Variants in SYK observed in about 807,000 individuals in gnomAD.
SYK encodes the protein spleen associated tyrosine kinase, also known as tyrosine-protein kinase SYK.
A neutral mutation model predicts 77.8 loss-of-function variants in SYK; 16 were observed. The ratio of observed to expected loss-of-function variants is 0.21; its 90% CI spans 0.14 to 0.31. SYK has a LOEUF of 0.31. Ranked by LOEUF, SYK falls within the 10% of genes least tolerant of loss-of-function variation. SYK has a pLI of 1.00. For missense variants in SYK, 529 were observed against 814.4 expected, an observed-to-expected ratio of 0.65 and a Z score of 4.26; for synonymous variants, 312 against 308.7, an observed-to-expected ratio of 1.01 and a Z score of -0.11.
intron 1 of SYK, among the ~76,000 whole-genome samples, chr9:90,805,232 C>T (rs1464815696): frequency 6.6e-6 from 1 of 152,214 alleles, no homozygotes; most frequent in Non-Finnish European, 1.5e-5. Context: ...TACTGGATTA[C>T]TGAGGAGTAC....
chr9:90,873,879 T>C (rs1827827876), intron 7 of SYK, among the ~76,000 whole-genome samples: 1 of 152,088 alleles, frequency 6.6e-6, no homozygotes, highest in Admixed American at 6.5e-5. Flanking sequence ...CGATCTTTGG[T>C]AGGTGGGAAT....
At chr9:90,855,217 ATACGTGAATAAAAT>A (rs1256588186) in intron 3 of SYK, among the ~76,000 whole-genome samples, 19 of 152,204 alleles carry the variant, frequency 1.2e-4, no homozygotes, top group Admixed American at 1.2e-3. Flanking sequence ...GAAATGGGAT[ATACGTGAATAAAAT>A]TTTTATGATT....
At chr9:90,884,150 T>TGTGTATATATATATATATATACACAC (rs1554714310) in intron 11 of SYK, among the ~76,000 whole-genome samples, 1 of 71,428 alleles carries the variant, frequency 1.4e-5, no homozygotes, top group African/African-American at 6.1e-5. Context: ...TATATGTGTG[T>TGTGTATATATATATATATATACACAC]GTGTATATAT....
chr9:90,847,083 C>T (rs1313394602), intron 3 of SYK, among the ~76,000 whole-genome samples: 1 of 152,224 alleles, frequency 6.6e-6, no homozygotes, highest in African/African-American at 2.4e-5. Context: ...TTGCATCCTT[C>T]ATGGCCATGA....
rs546473754 is a variant in SYK at position 90,836,158 on chromosome 9, G to T, written c.-41-7700G>T. Among the ~76,000 whole-genome samples, 10 of 151,992 alleles carry T rather than the reference G, an allele frequency of 6.6e-5. No individual in the cohort carries two copies. In the South Asian group the frequency reaches 1.7e-3, roughly 25 times the overall value. On this transcript the variant is annotated intron_variant, in intron 1 of 13. Transcript: ENST00000375754. ...AAAAGTTAGCCAGGCGTGGTGGTGG[G>T]CACCTGTAATCCCAGCTACTTGGGA...
chr9:90,862,330 G>A lies in SYK; in HGVS notation c.703G>A (p.Asp235Asn), dbSNP rs1827302981. 4 of 1,613,802 alleles carry A rather than the reference G, an allele frequency of 2.5e-6. No homozygotes were observed. Among genetic ancestry groups the A allele is most frequent in the African/African-American group, 1.3e-5 (1 of 74,936 alleles). ...CTCCATCCCCGAGGGAAAGAAGTTC[G>A]ACACGCTCTGGCAGGTACCCAGCCT... The part of the protein sequence containing the change: ...KLSIPEGKKF[D>N]TLWQLVEHYS... Residue 235 changes from aspartate (D) to asparagine (N), a missense_variant, in exon 4 of 14, where the codon GAC (aspartate) becomes AAC (asparagine). Around this residue, in one of 2 missense-constraint regions of SYK, gnomAD observed 321 missense variants for 433.1 expected, o/e 0.74. Transcript: ENST00000375754.
At chr9:90,824,753 C>A (rs1299154088) in intron 1 of SYK, among the ~76,000 whole-genome samples, 1 of 148,542 alleles carries the variant, frequency 6.7e-6, no homozygotes, top group Non-Finnish European at 1.5e-5. Context: ...AAAAAAAAAA[C>A]CTACAGGTAA....
intron 1 of SYK, among the ~76,000 whole-genome samples, chr9:90,812,049 C>T (rs1825101199): frequency 6.6e-6 from 1 of 151,934 alleles, no homozygotes; most frequent in Non-Finnish European, 1.5e-5. Flanking sequence ...ATATTCTATC[C>T]AGTGTGTACA....
intron 6 of SYK, among the ~76,000 whole-genome samples, chr9:90,866,151 G>A (rs569554840): frequency 2.0e-5 from 3 of 152,182 alleles, no homozygotes; most frequent in African/African-American, 4.8e-5. Context: ...TGCCCGCCTC[G>A]GCCTCCCAAA....
chr9:90,879,743 G>A (rs1740940449), intron 11 of SYK, among the ~76,000 whole-genome samples: 1 of 152,194 alleles, frequency 6.6e-6, no homozygotes, highest in African/African-American at 2.4e-5. Context: ...GGTTTGGTGA[G>A]GCAGAGATTA....
At chr9:90,817,975 G>A (rs1169217590) in intron 1 of SYK, among the ~76,000 whole-genome samples, 1 of 151,974 alleles carries the variant, frequency 6.6e-6, no homozygotes, top group Non-Finnish European at 1.5e-5. Flanking sequence ...CAGCCATTCA[G>A]TCTCCTCTCT....
At chr9:90,879,087 G>A (rs1418355127) in intron 11 of SYK, 134 bp downstream of exon 11, 3 of 594,410 alleles carry the variant, frequency 5.0e-6, no homozygotes, top group Admixed American at 5.9e-5. Flanking sequence ...TGTAAGATAT[G>A]TTCTTATAAT....
chr9:90,869,706 T>C (rs1827654937), intron 7 of SYK, among the ~76,000 whole-genome samples: 1 of 152,244 alleles, frequency 6.6e-6, no homozygotes, highest in Admixed American at 6.5e-5. Context: ...AGCATCTAGA[T>C]AGTTAATGAA....
At chr9:90,808,209 C>G (rs1320634040) in intron 1 of SYK, among the ~76,000 whole-genome samples, 1 of 152,196 alleles carries the variant, frequency 6.6e-6, no homozygotes, top group Non-Finnish European at 1.5e-5. Flanking sequence ...CCCTGTCCAT[C>G]CTGTTCTTCA....
At chr9:90,885,710 T>C (rs1346485154) in intron 11 of SYK, among the ~76,000 whole-genome samples, 1 of 151,996 alleles carries the variant, frequency 6.6e-6, no homozygotes. Context: ...CAATGCAAAA[T>C]CATCTTCTCC....
intron 1 of SYK, among the ~76,000 whole-genome samples, chr9:90,840,893 G>A (rs1043860619): frequency 1.3e-5 from 2 of 152,194 alleles, no homozygotes; most frequent in Non-Finnish European, 2.9e-5. Flanking sequence ...CACCGTCTGG[G>A]GAAAACTCTG....
At chr9:90,809,133 G>A (rs561840322) in intron 1 of SYK, among the ~76,000 whole-genome samples, 1 of 152,324 alleles carries the variant, frequency 6.6e-6, no homozygotes, top group African/African-American at 2.4e-5. Context: ...CCTGGCTAGA[G>A]CAGGCTGCAT....
intron 1 of SYK, among the ~76,000 whole-genome samples, chr9:90,813,051 C>T (rs1038316336): frequency 7.2e-5 from 11 of 152,082 alleles, no homozygotes; most frequent in African/African-American, 2.4e-4. Context: ...GAATGGTTTT[C>T]GTCTTTAAGA....
intron 7 of SYK, among the ~76,000 whole-genome samples, chr9:90,872,675 C>T (rs1827777021): frequency 6.6e-6 from 1 of 152,230 alleles, no homozygotes; most frequent in Admixed American, 6.5e-5. Context: ...TTCTCTTCAT[C>T]AGCATAAAGG....
Sources: gnomAD v4.1 joint callset for allele counts (sites outside exome capture counted in the v4.1 genomes callset) on GRCh38, gnomAD v4.1.1 for gene constraint, gnomAD v4.1.1 regional missense constraint, MANE v1.5 for transcripts, NCBI Gene and HGNC (gene_info 2026-07-23, HGNC 2026-07-21) for gene names.